Variants in MYO9A observed in about 807,000 individuals in gnomAD.
MYO9A encodes the protein myosin IXA.
MYO9A carries 103 observed loss-of-function variants against 293.3 expected under a neutral mutation model. That is an observed-to-expected ratio of 0.35 (90% CI 0.30 to 0.41). MYO9A has a LOEUF of 0.41. MYO9A is among the 10% of genes least tolerant of loss of function. The pLI is 1.00. For missense variants in MYO9A, 2,685 were observed against 3,033.0 expected (o/e 0.89, Z 2.69); for synonymous variants, 1,001 against 1,035.7 (o/e 0.97, Z 0.64).
At chr15:72,007,252 G>C (rs537637078) in intron 8 of MYO9A, among the ~76,000 whole-genome samples, 141 of 152,224 alleles carry the variant, frequency 9.3e-4, no homozygotes, top group Non-Finnish European at 1.6e-3. Flanking sequence ...AAGATGAGAA[G>C]GGGTAGGCAA....
intron 12 of MYO9A, among the ~76,000 whole-genome samples, chr15:71,977,297 C>T (rs535844069): frequency 9.9e-5 from 15 of 152,138 alleles, no homozygotes; most frequent in South Asian, 2.1e-4. Flanking sequence ...AGTGCATTGG[C>T]GCCATCTCGG....
chr15:72,009,043 GA>G (rs1336011478), intron 7 of MYO9A, among the ~76,000 whole-genome samples: 4 of 151,888 alleles, frequency 2.6e-5, no homozygotes, highest in Admixed American at 2.6e-4. Context: ...TTAAATCTTT[GA>G]ATCATTCACG....
intron 32 of MYO9A, among the ~76,000 whole-genome samples, chr15:71,875,376 T>C (rs1369423673): frequency 6.6e-6 from 1 of 152,128 alleles, no homozygotes; most frequent in African/African-American, 2.4e-5. Context: ...ATTGTATATA[T>C]TGTGTGATTG....
chr15:71,868,224 GCTGA>G (rs2056401094), intron 32 of MYO9A, among the ~76,000 whole-genome samples: 1 of 152,168 alleles, frequency 6.6e-6, no homozygotes, highest in Non-Finnish European at 1.5e-5. Flanking sequence ...CTATTTCCTT[GCTGA>G]CTATTAGCTG....
At chr15:71,965,298 A>C (rs982848644) in intron 13 of MYO9A, among the ~76,000 whole-genome samples, 3 of 152,048 alleles carry the variant, frequency 2.0e-5, no homozygotes, top group Non-Finnish European at 2.9e-5. Flanking sequence ...TCTGTTAGTT[A>C]CTAACAGAAA....
chr15:72,089,458 G>T (rs564689541), intron 1 of MYO9A, among the ~76,000 whole-genome samples: 1 of 152,036 alleles, frequency 6.6e-6, no homozygotes, highest in Non-Finnish European at 1.5e-5. Context: ...CACTGTGCCC[G>T]GCAGGATGGG....
intron 9 of MYO9A, among the ~76,000 whole-genome samples, chr15:71,995,713 T>C (rs1272262337): frequency 6.6e-6 from 1 of 152,096 alleles, no homozygotes; most frequent in African/African-American, 2.4e-5. Flanking sequence ...TAACTCCATT[T>C]TGAAGTATAA....
At chr15:72,110,440 A>G (rs2080740764) in intron 1 of MYO9A, among the ~76,000 whole-genome samples, 1 of 148,908 alleles carries the variant, frequency 6.7e-6, no homozygotes, top group Non-Finnish European at 1.5e-5. Flanking sequence ...CATCTCAAAA[A>G]AAAAAAAAAA....
chr15:72,025,242 T>G (rs139608442), intron 4 of MYO9A, among the ~76,000 whole-genome samples: 6 of 152,308 alleles, frequency 3.9e-5, no homozygotes, highest in African/African-American at 1.4e-4. Flanking sequence ...ACCAAACTTG[T>G]TCCTAGGGAC....
chr15:71,952,479 C>T (rs1336144672), intron 14 of MYO9A, among the ~76,000 whole-genome samples: 3 of 152,114 alleles, frequency 2.0e-5, no homozygotes, highest in African/African-American at 7.2e-5. Context: ...ATTATCACTT[C>T]TTAGGAAAAT....
chr15:72,097,892 G>A (rs182376286), intron 1 of MYO9A, among the ~76,000 whole-genome samples: 54 of 152,190 alleles, frequency 3.5e-4, no homozygotes, highest in African/African-American at 1.2e-3. Flanking sequence ...CCTGGTGACA[G>A]AGCGAGACTC....
At position 71,897,630 on chromosome 15, in the gene MYO9A, T is replaced by G; in HGVS notation, c.4873A>C (p.Arg1625=). The change falls in exon 25 of 42, where the codon AGA becomes CGA. Residue 1625 remains arginine (R), a synonymous_variant. Transcript: ENST00000356056. ...STVKELSKTD[R]MGTQLNVACK... ...GCTACATTCAGCTGGGTGCCCATTC[T>G]GTCTGTCTTGGATAATTCCTTGACA... is the stretch of plus-strand genomic sequence containing the variant. The G allele has an allele frequency of 6.2e-7, 1 of 1,614,232 alleles. No homozygotes were observed. The highest frequency in any genetic ancestry group is 8.5e-7 in the Non-Finnish European group (1 of 1,180,042).
intron 14 of MYO9A, among the ~76,000 whole-genome samples, chr15:71,958,086 T>C (rs2059244963): frequency 6.6e-6 from 1 of 152,202 alleles, no homozygotes; most frequent in African/African-American, 2.4e-5. Context: ...ACTGTAATTC[T>C]GCAGATTTCA....
chr15:72,015,683 GTT>G lies in MYO9A; in HGVS notation c.1155+3354_1155+3355del, dbSNP rs10708457. 4.2e-3 allele frequency among the ~76,000 whole-genome samples: 473 copies of G among 113,456 alleles called. 1 individual carries two copies. Among genetic ancestry groups the G allele is most frequent in the African/African-American group, 0.016 (422 of 27,048 alleles). 74.4% of individuals were successfully genotyped at this position (113,456 alleles called of 152,430 possible). A position where few individuals can be genotyped will look rare whatever the true frequency, so the allele number is the denominator to read the frequency against. On this transcript the variant is annotated intron_variant, in intron 6 of 41. Transcript: ENST00000356056. Reference sequence around the variant, plus strand: ...TTTACATTGAAGTTACTCAGATCAGGTTTTTTTTTTTTTTTTTTTTTTGAGAC... The same window carrying G: ...TTTACATTGAAGTTACTCAGATCAGGTTTTTTTTTTTTTTTTTTTTGAGAC...
intron 6 of MYO9A, among the ~76,000 whole-genome samples, chr15:72,018,412 G>A (rs1413349785): frequency 6.6e-6 from 1 of 152,124 alleles, no homozygotes; most frequent in African/African-American, 2.4e-5. Context: ...AGGTTGCAGG[G>A]AGCCAAGATC....
chr15:71,883,795 T>A, intron 27 of MYO9A, 59 bp from the exon 28 acceptor site: 1 of 1,421,898 alleles, frequency 7.0e-7, no homozygotes, highest in Non-Finnish European at 9.6e-7. Flanking sequence ...ATAATATTTG[T>A]ATATATCACT....
chr15:72,112,877 AT>A (rs1346534524), intron 1 of MYO9A, among the ~76,000 whole-genome samples: 4 of 152,166 alleles, frequency 2.6e-5, no homozygotes, highest in African/African-American at 9.7e-5. Flanking sequence ...CTTAGTGAAA[AT>A]TCACTGAGCT....
At chr15:71,951,958 C>A in intron 14 of MYO9A, 62 bp from the exon 15 acceptor site, 4 of 1,503,224 alleles carry the variant, frequency 2.7e-6, no homozygotes, top group Non-Finnish European at 3.5e-6. Flanking sequence ...ATTATATAAG[C>A]CCAAACCAAC....
At chr15:71,862,115 G>C (rs1199107793) in intron 33 of MYO9A, among the ~76,000 whole-genome samples, 3 of 152,166 alleles carry the variant, frequency 2.0e-5, no homozygotes, top group Admixed American at 1.3e-4. Flanking sequence ...CTGGGCGATG[G>C]AGCAAGACAC....
Sources: allele counts gnomAD v4.1 joint callset (sites outside exome capture counted in the v4.1 genomes callset), GRCh38; gene constraint gnomAD v4.1.1; transcripts MANE v1.5; gene names NCBI Gene and HGNC (gene_info 2026-07-23, HGNC 2026-07-21).